Variants in GRP observed in about 807,000 individuals in gnomAD.
GRP encodes the protein gastrin releasing peptide, also known as gastrin-releasing peptide.
GRP carries 11 observed loss-of-function variants against 12.7 expected under a neutral mutation model. The observed-to-expected ratio is 0.87, with a 90% CI of 0.55 to 1.44. The LOEUF is 1.44. Ranked by LOEUF, GRP falls within the 40% of genes most tolerant of loss-of-function variation. The pLI is 0.00. For synonymous variants in GRP, 84 were observed against 77.7 expected (o/e 1.08, Z -0.43); for missense variants, 212 against 185.4 (o/e 1.14, Z -0.83).
chr18:59,225,505 G>GA lies in GRP; in HGVS notation c.158dup (p.Ser54GlufsTer10), dbSNP rs1419085149. The GA allele has an allele frequency of 1.2e-5, 19 of 1,612,900 alleles. No individual in the cohort carries two copies. The highest frequency in any genetic ancestry group is 1.6e-5 in the Non-Finnish European group (19 of 1,179,462). On this transcript the variant is annotated frameshift_variant, in exon 2 of 3. Coordinates refer to ENST00000256857, the MANE Select transcript of GRP (RefSeq NM_002091.5). LOFTEE classifies it high-confidence loss of function. ...TTGTTTTTACAGGGCACTTAATGGGGAAAAAGAGCACAGGGGAGTCTTCTT... is the reference window on the plus strand; with the variant it reads ...TTGTTTTTACAGGGCACTTAATGGGGAAAAAAGAGCACAGGGGAGTCTTCTT...
intron 1 of GRP, among the ~76,000 whole-genome samples, chr18:59,221,170 G>A (rs2069826523): frequency 6.6e-6 from 1 of 152,140 alleles, no homozygotes; most frequent in African/African-American, 2.4e-5. Flanking sequence ...CTTGACCCAC[G>A]ACTTCGCCCT....
rs1218698154 is a variant in GRP at position 59,230,601 on chromosome 18, C to T, written c.*133C>T. 4 of 612,770 alleles carry T rather than the reference C, an allele frequency of 6.5e-6. No individual in the cohort carries two copies. Among genetic ancestry groups the T allele is most frequent in the Non-Finnish European group, 1.2e-5 (4 of 336,526 alleles). The allele number at this position is 612,770 out of a possible 1,614,324, so 38.0% of individuals were successfully genotyped here. A position where few individuals can be genotyped will look rare whatever the true frequency, so the allele number is the denominator to read the frequency against. Reference sequence around the variant, plus strand: ...ACTATTCTGTATCTTTCATCCTTGACTAAATTCGTGATTTTCAAGCAGCAT... The same window carrying T: ...ACTATTCTGTATCTTTCATCCTTGATTAAATTCGTGATTTTCAAGCAGCAT... On this transcript the variant is annotated 3_prime_UTR_variant, in exon 3 of 3. Transcript: ENST00000256857.
chr18:59,221,042 C>T (rs1430249065), intron 1 of GRP, among the ~76,000 whole-genome samples: 2 of 152,250 alleles, frequency 1.3e-5, no homozygotes, highest in African/African-American at 4.8e-5. Flanking sequence ...ATTCTTTTCC[C>T]TGCCCTTTTG....
At chr18:59,220,533 C>A in intron 1 of GRP, 129 bp downstream of exon 1, 2 of 764,528 alleles carry the variant, frequency 2.6e-6, no homozygotes, top group Non-Finnish European at 3.7e-6. Flanking sequence ...TGTGACCTTT[C>A]TATCGGCAAA....
chr18:59,224,478 T>C (rs1347361030), intron 1 of GRP, among the ~76,000 whole-genome samples: 2 of 152,220 alleles, frequency 1.3e-5, no homozygotes, highest in Non-Finnish European at 2.9e-5. Flanking sequence ...CACAAAGACC[T>C]TTTTCCTTGC....
intron 1 of GRP, among the ~76,000 whole-genome samples, chr18:59,222,418 C>G (rs2069849580): frequency 6.6e-6 from 1 of 152,172 alleles, no homozygotes; most frequent in Non-Finnish European, 1.5e-5. Context: ...CTCAAATGCA[C>G]TTTTTTCTCT....
intron 2 of GRP, among the ~76,000 whole-genome samples, chr18:59,228,470 C>T (rs1318303332): frequency 1.3e-5 from 2 of 152,158 alleles, no homozygotes; most frequent in Non-Finnish European, 2.9e-5. Flanking sequence ...AGTAATAAAA[C>T]ATCAAGTACT....
At chr18:59,229,610 A>G (rs1331856900) in intron 2 of GRP, among the ~76,000 whole-genome samples, 1 of 152,238 alleles carries the variant, frequency 6.6e-6, no homozygotes, top group African/African-American at 2.4e-5. Context: ...CTTTATTAGA[A>G]GAAAATGGCT....
intron 2 of GRP, among the ~76,000 whole-genome samples, chr18:59,229,809 G>A (rs2070002220): frequency 6.6e-6 from 1 of 152,144 alleles, no homozygotes. Flanking sequence ...GCCACAACAA[G>A]CAAACCACAA....
At chr18:59,221,583 G>A (rs2069835738) in intron 1 of GRP, among the ~76,000 whole-genome samples, 1 of 150,394 alleles carries the variant, frequency 6.6e-6, no homozygotes, top group Admixed American at 6.6e-5. Context: ...GTGTCTCTGT[G>A]TGTGTGTGTC....
intron 2 of GRP, 22 bp downstream of exon 2, chr18:59,225,756 G>A: frequency 6.2e-7 from 1 of 1,610,800 alleles, no homozygotes. Context: ...ATACATGCAA[G>A]ATGGGGTGGG....
At chr18:59,227,281 AC>A (rs940505626) in intron 2 of GRP, among the ~76,000 whole-genome samples, 4 of 152,236 alleles carry the variant, frequency 2.6e-5, no homozygotes, top group African/African-American at 9.6e-5. Flanking sequence ...CAGAAAAAAA[AC>A]AAAAACCAAA....
At chr18:59,226,795 T>C (rs2069928503) in intron 2 of GRP, among the ~76,000 whole-genome samples, 1 of 152,220 alleles carries the variant, frequency 6.6e-6, no homozygotes, top group African/African-American at 2.4e-5. Flanking sequence ...AGCTTCCTTC[T>C]TCACTCTTTC....
rs765015033 is a variant in GRP, at chr18:59,220,288, T to C, written c.23T>C (p.Leu8Pro). ...ACCATGCGCGGCCGTGAGCTCCCGC[T>C]GGTCCTGCTGGCGCTGGTCCTCTGC... MRGRELP[L>P]VLLALVLCLA... The change falls in exon 1 of 3, where the codon CTG becomes CCG. Residue 8 changes from leucine (L) to proline (P), a missense_variant. Physicochemically the swap from Leu to Pro is moderately conservative, Grantham distance 98. Coordinates refer to ENST00000256857, the MANE Select transcript of GRP (RefSeq NM_002091.5). The C allele has an allele frequency of 4.5e-5, 68 of 1,505,410 alleles. 1 individual carries two copies. In the South Asian group the frequency reaches 7.0e-4, roughly 15 times the overall value. The allele number at this position is 1,505,410 out of a possible 1,614,324, so 93.3% of individuals were successfully genotyped here.
Position 59,230,540 on chromosome 18 carries a change from G to A in GRP, c.*72G>A, listed in dbSNP as rs1200187972. 1.8e-5 allele frequency: 15 copies of A among 834,254 alleles called. No individual in the cohort carries two copies. Among genetic ancestry groups the A allele is most frequent in the African/African-American group, 8.4e-5 (5 of 59,672 alleles). 51.7% of individuals were successfully genotyped at this position (834,254 alleles called of 1,614,324 possible). On this transcript the variant is annotated 3_prime_UTR_variant, in exon 3 of 3. Transcript: ENST00000256857. ...TGCGTTCTGCAAGCATCAGTTCTACGGATCATCAACAAGATTTCCTTGTGC... is the reference window on the plus strand; with the variant it reads ...TGCGTTCTGCAAGCATCAGTTCTACAGATCATCAACAAGATTTCCTTGTGC...
At chr18:59,219,235 A>G (rs2069788738), upstream of GRP, among the ~76,000 whole-genome samples, 1 of 151,542 alleles carries the variant, frequency 6.6e-6, no homozygotes, top group Admixed American at 6.6e-5. Flanking sequence ...AAACTGGCAT[A>G]AAGCAGTTTC....
intron 2 of GRP, among the ~76,000 whole-genome samples, 185 bp downstream of exon 2, chr18:59,225,919 CA>C (rs1246166159): frequency 6.6e-6 from 1 of 152,074 alleles, no homozygotes; most frequent in Non-Finnish European, 1.5e-5. Flanking sequence ...GACATATAGT[CA>C]AAAGGATATT....
chr18:59,225,715 T>C lies in GRP; in HGVS notation c.363T>C (p.Asp121=), dbSNP rs15526. Residue 121 remains aspartate, a synonymous_variant, in exon 2 of 3, where the codon GAT becomes GAC. Coordinates refer to ENST00000256857, the MANE Select transcript of GRP (RefSeq NM_002091.5). The stretch of plus-strand genomic sequence containing the variant: ...CAGAGGATAGCAGCAACTTCAAAGA[T>C]GTAGGTTCAAAAGGCAAAGGTAAAA... ...WDSEDSSNFK[D]VGSKGKVGRL... 0.029 allele frequency: 46,225 copies of C among 1,613,786 alleles called. 904 individuals carry two copies. Among genetic ancestry groups the C allele is most frequent in the African/African-American group, 0.09 (6,707 of 74,930 alleles).
chr18:59,230,527 G>A lies in GRP; in HGVS notation c.*59G>A. ...ACCCCTAAGAGACTGCGTTCTGCAA[G>A]CATCAGTTCTACGGATCATCAACAA... On this transcript the variant is annotated 3_prime_UTR_variant, in exon 3 of 3. Transcript: ENST00000256857. 1 of 897,942 alleles carries A rather than the reference G, an allele frequency of 1.1e-6. No individual in the cohort carries two copies. Among genetic ancestry groups the A allele is most frequent in the South Asian group, 1.3e-5 (1 of 76,530 alleles). The allele number at this position is 897,942 out of a possible 1,614,324, so 55.6% of individuals were successfully genotyped here.
Sources: allele counts gnomAD v4.1 joint callset (sites outside exome capture counted in the v4.1 genomes callset), GRCh38; gene constraint gnomAD v4.1.1; transcripts MANE v1.5; gene names NCBI Gene and HGNC (gene_info 2026-07-23, HGNC 2026-07-21).